Variants in GMDS observed in about 807,000 individuals in gnomAD.
The protein encoded by GMDS is GDP-mannose 4,6-dehydratase.
GMDS carries 20 observed loss-of-function variants against 49.9 expected under a neutral mutation model. The observed-to-expected ratio is 0.40, with a 90% CI of 0.28 to 0.58. The LOEUF is 0.58. GMDS is among the 20% of genes least tolerant of loss of function. The pLI is 0.42. For synonymous variants in GMDS, 177 were observed against 178.6 expected (o/e 0.99, Z 0.07); for missense variants, 362 against 481.4 (o/e 0.75, Z 2.32).
At chr6:1,642,535 G>T (rs1763363327) in intron 9 of GMDS, among the ~76,000 whole-genome samples, 1 of 152,160 alleles carries the variant, frequency 6.6e-6, no homozygotes, top group South Asian at 2.1e-4. Context: ...GAAAATTTTG[G>T]TTTTGTCAGG....
intron 7 of GMDS, among the ~76,000 whole-genome samples, chr6:1,864,876 A>C (rs566573358): frequency 1.2e-4 from 19 of 152,236 alleles, no homozygotes; most frequent in Non-Finnish European, 2.2e-4. Flanking sequence ...GTCAAACTTC[A>C]TATGATACCT....
At chr6:1,895,913 C>G (rs973194518) in intron 7 of GMDS, among the ~76,000 whole-genome samples, 2 of 152,182 alleles carry the variant, frequency 1.3e-5, no homozygotes, top group Admixed American at 6.5e-5. Flanking sequence ...CTTTCCCTAT[C>G]CATTCTTCTA....
At chr6:2,222,777 A>G (rs543334310) in intron 1 of GMDS, among the ~76,000 whole-genome samples, 1 of 152,310 alleles carries the variant, frequency 6.6e-6, no homozygotes, top group Admixed American at 6.5e-5. Context: ...ATTGAGAAAG[A>G]CAGTGAGGCA....
intron 1 of GMDS, among the ~76,000 whole-genome samples, chr6:2,170,939 G>A (rs1254697100): frequency 6.6e-6 from 1 of 152,034 alleles, no homozygotes; most frequent in Non-Finnish European, 1.5e-5. Flanking sequence ...AGCTTGTGGT[G>A]AGCCGAGATT....
At chr6:2,177,376 T>G (rs1045357667) in intron 1 of GMDS, among the ~76,000 whole-genome samples, 6 of 152,148 alleles carry the variant, frequency 3.9e-5, no homozygotes, top group Non-Finnish European at 8.8e-5. Flanking sequence ...TATCAAAATT[T>G]GGCAGAAAAA....
chr6:2,041,945 T>C (rs1024348832), intron 4 of GMDS, among the ~76,000 whole-genome samples: 18 of 152,190 alleles, frequency 1.2e-4, no homozygotes, highest in Admixed American at 1.1e-3. Context: ...ATTTCCCACA[T>C]GCCTATGCAC....
intron 7 of GMDS, among the ~76,000 whole-genome samples, chr6:1,775,405 T>C (rs1388592903): frequency 1.3e-5 from 2 of 152,236 alleles, no homozygotes; most frequent in African/African-American, 2.4e-5. Flanking sequence ...TTTTACTCTG[T>C]TGAAAAACTC....
intron 7 of GMDS, among the ~76,000 whole-genome samples, chr6:1,803,361 T>G (rs1396645990): frequency 6.6e-6 from 1 of 152,204 alleles, no homozygotes; most frequent in East Asian, 1.9e-4. Flanking sequence ...GTCAATGTAT[T>G]TCTTTTCTGC....
In GMDS at chr6:1,743,757, T is replaced by C. The variant is rs1031291033; in HGVS notation, c.772-1171A>G. ...TAAAGATTTTTTTTTTTAATACAGA[T>C]AGGAGATGAAGATTTAAAAAAAAAA... is the stretch of plus-strand genomic sequence containing the variant. On this transcript the variant is annotated intron_variant, in intron 7 of 10. Coordinates refer to ENST00000380815, the MANE Select transcript of GMDS (RefSeq NM_001500.4). Among the ~76,000 whole-genome samples, 97 of 129,782 alleles carry C rather than the reference T, an allele frequency of 7.5e-4. 1 individual carries two copies. Among genetic ancestry groups the C allele is most frequent in the Non-Finnish European group, 1.5e-4 (9 of 60,418 alleles). 85.1% of individuals were successfully genotyped at this position (129,782 alleles called of 152,430 possible). A position where few individuals can be genotyped will look rare whatever the true frequency, so the allele number is the denominator to read the frequency against.
intron 6 of GMDS, among the ~76,000 whole-genome samples, chr6:1,956,755 C>A (rs551146821): frequency 6.6e-6 from 1 of 151,932 alleles, no homozygotes; most frequent in Non-Finnish European, 1.5e-5. Flanking sequence ...TAACAAAAAA[C>A]AAATTTTATC....
intron 6 of GMDS, among the ~76,000 whole-genome samples, chr6:1,955,431 ATAC>A (rs1322277271): frequency 6.6e-6 from 1 of 152,230 alleles, no homozygotes; most frequent in African/African-American, 2.4e-5. Flanking sequence ...CATAAAACAT[ATAC>A]TACTATATAC....
chr6:2,192,941 C>T (rs1341690593), intron 1 of GMDS, among the ~76,000 whole-genome samples: 1 of 152,216 alleles, frequency 6.6e-6, no homozygotes, highest in Non-Finnish European at 1.5e-5. Context: ...AAAAATGACA[C>T]CCCAAAGATC....
chr6:2,076,992 T>A (rs1772382437), intron 4 of GMDS, among the ~76,000 whole-genome samples: 1 of 152,202 alleles, frequency 6.6e-6, no homozygotes, highest in African/African-American at 2.4e-5. Flanking sequence ...CTTTTGTAGT[T>A]TGCTTTGTCG....
intron 7 of GMDS, among the ~76,000 whole-genome samples, chr6:1,854,154 A>G (rs115948799): frequency 0.013 from 2,040 of 152,336 alleles, 47 homozygotes; most frequent in African/African-American, 0.046. Context: ...GTAAAACTGA[A>G]AACTATGCTT....
intron 7 of GMDS, among the ~76,000 whole-genome samples, chr6:1,805,340 T>A (rs933868753): frequency 6.6e-6 from 1 of 152,206 alleles, no homozygotes; most frequent in Non-Finnish European, 1.5e-5. Flanking sequence ...AAGTGTATTT[T>A]GATGTATTGA....
chr6:2,152,331 AAT>A (rs1776884321), intron 1 of GMDS, among the ~76,000 whole-genome samples: 1 of 152,198 alleles, frequency 6.6e-6, no homozygotes, highest in Non-Finnish European at 1.5e-5. Flanking sequence ...AATGCAATTA[AAT>A]AAAAGAAAGA....
At chr6:2,160,411 T>C (rs1315784676) in intron 1 of GMDS, among the ~76,000 whole-genome samples, 1 of 152,232 alleles carries the variant, frequency 6.6e-6, no homozygotes, top group Non-Finnish European at 1.5e-5. Flanking sequence ...GTGGAACACT[T>C]TTCAGCTAGA....
Position 2,086,939 on chromosome 6 carries a change from T to C in GMDS, c.345+28832A>G, listed in dbSNP as rs527903871. 3.3e-5 allele frequency among the ~76,000 whole-genome samples: 5 copies of C among 152,344 alleles called. No individual in the cohort carries two copies. In the South Asian group the frequency reaches 1.0e-3, roughly 32 times the overall value. The stretch of plus-strand genomic sequence containing the variant: ...TCCTCCATAGACCCAAGAGTTTCCA[T>C]AAGAGAAATCACTTGGAAAATCACA... On this transcript the variant is annotated intron_variant, in intron 4 of 10. Transcript: ENST00000380815.
chr6:2,146,920 G>A (rs1776585331), intron 1 of GMDS, among the ~76,000 whole-genome samples: 1 of 152,138 alleles, frequency 6.6e-6, no homozygotes, highest in African/African-American at 2.4e-5. Flanking sequence ...TTTTGGAGAT[G>A]GAAAGGAACT....
Sources: allele counts gnomAD v4.1 joint callset (sites outside exome capture counted in the v4.1 genomes callset), GRCh38; gene constraint gnomAD v4.1.1; transcripts MANE v1.5; gene names NCBI Gene and HGNC (gene_info 2026-07-23, HGNC 2026-07-21).